Variants in IFFO2 observed in about 807,000 individuals in gnomAD.
IFFO2 encodes intermediate filament family orphan 2.
Under a neutral mutation model 53.5 loss-of-function variants are expected in IFFO2, and 19 were observed. That is an observed-to-expected ratio of 0.36 (90% CI 0.25 to 0.52). IFFO2 has a LOEUF of 0.52. IFFO2 is among the 20% of genes least tolerant of loss of function. The probability of loss-of-function intolerance (pLI) is 0.94; values close to 1 mark genes in which losing one functional copy is unlikely to be tolerated. For missense variants in IFFO2, 570 were observed against 727.4 expected (o/e 0.78, Z 2.49); for synonymous variants, 303 against 313.6 (o/e 0.97, Z 0.36).
chr1:18,940,866 C>G (rs1478001459), intron 1 of IFFO2, among the ~76,000 whole-genome samples: 1 of 152,188 alleles, frequency 6.6e-6, no homozygotes, highest in African/African-American at 2.4e-5. Context: ...ACTCTGAATC[C>G]TGACAAGAGA....
At chr1:18,937,199 G>A (rs1936460643) in intron 1 of IFFO2, among the ~76,000 whole-genome samples, 1 of 152,196 alleles carries the variant, frequency 6.6e-6, no homozygotes, top group Non-Finnish European at 1.5e-5. Context: ...CAAGGACCCA[G>A]CTAACAAAAG....
In IFFO2 at chr1:18,917,060, C is replaced by T; in HGVS notation, c.964-18G>A. On this transcript the variant is annotated intron_variant, in intron 4 of 8. Transcript: ENST00000455833. The surrounding 1 kb of genome is among the most constrained non-coding windows in gnomAD (Gnocchi z 5.9). ...GGGACCACCTGAACCGGAAAGGAAG[C>T]AATCAAGGTAACTGGGGGGCTCGGC... is the stretch of plus-strand genomic sequence containing the variant. 1 of 1,551,738 alleles carries T rather than the reference C, an allele frequency of 6.4e-7. No homozygotes were observed. The highest frequency in any genetic ancestry group is 1.2e-5 in the South Asian group (1 of 84,030).
At chr1:18,909,111 C>T (rs188844013) in intron 8 of IFFO2, among the ~76,000 whole-genome samples, 116 of 151,966 alleles carry the variant, frequency 7.6e-4, no homozygotes, top group African/African-American at 2.7e-3. Flanking sequence ...CCTGCCTGAG[C>T]GTCTGCTCTT....
chr1:18,924,716 T>C (rs1159425327), intron 1 of IFFO2, among the ~76,000 whole-genome samples: 25 of 152,152 alleles, frequency 1.6e-4, no homozygotes, highest in Admixed American at 1.6e-3. Flanking sequence ...AAGAGATCAC[T>C]TTTGGGGCAC....
chr1:18,956,096 C>A lies in IFFO2; in HGVS notation c.237G>T (p.Arg79=), dbSNP rs571292117. ...GCTGCTCCAGCTGCTTCTCCAGCAG[C>A]CGGTTGCGCCGCTCCAGCTCGTGCA... ...AKVHELERRN[R]LLEKQLEQQQ... is the part of the protein sequence containing the mutation. Residue 79 remains arginine (R), a synonymous_variant, in exon 1 of 9, where the codon CGG becomes CGT. Coordinates refer to ENST00000455833, the MANE Select transcript of IFFO2 (RefSeq NM_001136265.2). The surrounding 1 kb of genome is among the most constrained non-coding windows in gnomAD (Gnocchi z 6.4). The A allele has an allele frequency of 7.1e-4, 1,075 of 1,504,146 alleles. 13 individuals are homozygous for A. The highest frequency in any genetic ancestry group is 7.0e-5 in the Non-Finnish European group (78 of 1,118,852). The allele number at this position is 1,504,146 out of a possible 1,614,324, so 93.2% of individuals were successfully genotyped here.
At chr1:18,925,902 A>G (rs1169996159) in intron 1 of IFFO2, among the ~76,000 whole-genome samples, 4 of 11,864 alleles carry the variant, frequency 3.4e-4, no homozygotes, top group Non-Finnish European at 5.6e-4. Flanking sequence ...GATTGGATGG[A>G]TTGGTTGGAT....
At position 18,936,245 on chromosome 1, in the gene IFFO2, C is replaced by T. The variant is rs1284639622; in HGVS notation, c.666-15124G>A. Among the ~76,000 whole-genome samples, 4 of 152,236 alleles carry T rather than the reference C, an allele frequency of 2.6e-5. No individual in the cohort carries two copies. Among genetic ancestry groups the T allele is most frequent in the African/African-American group, 9.6e-5 (4 of 41,454 alleles). ...CCTCAGTTTCCCCAAACAACCTCCA[C>T]AGTCCAGGCCAACTCTGCTACTCTC... On this transcript the variant is annotated intron_variant, in intron 1 of 8. Coordinates refer to ENST00000455833, the MANE Select transcript of IFFO2 (RefSeq NM_001136265.2). This position sits in a 1 kb window ranked among gnomAD's most constrained non-coding sequence, Gnocchi z 4.5.
At chr1:18,952,128 C>T (rs1240608277) in intron 1 of IFFO2, among the ~76,000 whole-genome samples, 5 of 152,240 alleles carry the variant, frequency 3.3e-5, no homozygotes, top group Admixed American at 6.5e-5. Flanking sequence ...CAGTGGGAAA[C>T]TCCAGGGAAA....
intron 1 of IFFO2, among the ~76,000 whole-genome samples, chr1:18,929,834 G>A (rs1057455472): frequency 3.9e-5 from 6 of 152,178 alleles, no homozygotes; most frequent in Non-Finnish European, 8.8e-5. Context: ...CCCCTCCTCT[G>A]GCACCACTTT....
intron 8 of IFFO2, 149 bp from the exon 9 acceptor site, chr1:18,908,815 G>C: frequency 1.6e-6 from 1 of 639,864 alleles, no homozygotes; most frequent in Non-Finnish European, 2.8e-6. Context: ...CTATCCTTAA[G>C]ATCCTTTAAG....
chr1:18,923,309 C>T (rs1424913726), intron 1 of IFFO2, among the ~76,000 whole-genome samples: 1 of 152,248 alleles, frequency 6.6e-6, no homozygotes, highest in African/African-American at 2.4e-5. Flanking sequence ...CCTCACTTCT[C>T]CTTTGAGCAA....
Position 18,905,994 on chromosome 1 carries a change from G to A in IFFO2, c.*2567C>T, listed in dbSNP as rs1935942340. On this transcript the variant is annotated 3_prime_UTR_variant, in exon 9 of 9. Transcript: ENST00000455833. Reference sequence around the variant, plus strand: ...TTGGGGTCTTTCTTGGCAAGCTGTGGGCTCATGGTGAGGGGACAAGCAGGG... The same window carrying A: ...TTGGGGTCTTTCTTGGCAAGCTGTGAGCTCATGGTGAGGGGACAAGCAGGG... The A allele has an allele frequency of 1.3e-5, 2 of 152,226 alleles. No homozygotes were observed. Among genetic ancestry groups the A allele is most frequent in the African/African-American group, 4.8e-5 (2 of 41,424 alleles). The allele number at this position is 152,226 out of a possible 1,614,324, so 9.4% of individuals were successfully genotyped here.
intron 1 of IFFO2, among the ~76,000 whole-genome samples, chr1:18,931,487 T>C (rs1341371907): frequency 6.6e-6 from 1 of 152,192 alleles, no homozygotes; most frequent in Non-Finnish European, 1.5e-5. Context: ...TTCCCCAGAA[T>C]AAGTCACTAT....
At chr1:18,937,945 G>A (rs935806990) in intron 1 of IFFO2, among the ~76,000 whole-genome samples, 6 of 152,244 alleles carry the variant, frequency 3.9e-5, no homozygotes, top group African/African-American at 9.6e-5. Flanking sequence ...CCAACCCAGC[G>A]GGGGCTCTCT....
chr1:18,910,220 C>CGGACGGACAGAT (rs887798313), intron 8 of IFFO2, 122 bp downstream of exon 8: 3 of 1,127,312 alleles, frequency 2.7e-6, no homozygotes, highest in Non-Finnish European at 3.8e-6. Context: ...GATGGACGGA[C>CGGACGGACAGAT]GGACGGACAG....
In IFFO2 at chr1:18,955,671, C is replaced by A; in HGVS notation, c.662G>T (p.Arg221Leu). ...KVKRERDEYKRRWEEELAKRM... is the reference protein window; with the variant it reads ...KVKRERDEYKLRWEEELAKRM... ...CGGGGGAGGGGCGGCCACTCACCTC[C>A]GCTTATACTCGTCGCGCTCGCGCTT... The change falls in exon 1 of 9, where the codon CGG (arginine) becomes CTG (leucine). Residue 221 changes from arginine to leucine, a missense_variant. Arg to Leu is a moderately radical substitution (Grantham distance 102). Coordinates refer to ENST00000455833, the MANE Select transcript of IFFO2 (RefSeq NM_001136265.2). 6.3e-7 allele frequency: 1 copy of A among 1,580,146 alleles called. No homozygotes were observed. The highest frequency in any genetic ancestry group is 8.6e-7 in the Non-Finnish European group (1 of 1,167,382).
At chr1:18,925,834 GGATGGATGGAT>G in intron 1 of IFFO2, among the ~76,000 whole-genome samples, 3 of 84,186 alleles carry the variant, frequency 3.6e-5, no homozygotes, top group Non-Finnish European at 7.4e-5. Context: ...ATGGATGGAT[GGATGGATGGAT>G]GGATGGATTG....
rs1158886009 is a variant in IFFO2, at chr1:18,956,413, G to A, written c.-81C>T. On this transcript the variant is annotated 5_prime_UTR_variant, in exon 1 of 9. Coordinates refer to ENST00000455833, the MANE Select transcript of IFFO2 (RefSeq NM_001136265.2). The surrounding 1 kb of genome is among the most constrained non-coding windows in gnomAD (Gnocchi z 6.4). ...TCCGGGCAGGGCTCCCGGCGCGGCC[G>A]GGCCAGGGTGGGCGCGGGCTCCAGC... The A allele has an allele frequency of 1.8e-5, 3 of 165,272 alleles. No individual in the cohort carries two copies. The highest frequency in any genetic ancestry group is 1.7e-4 in the South Asian group (1 of 5,752). The allele number at this position is 165,272 out of a possible 1,614,324, so 10.2% of individuals were successfully genotyped here. A position where few individuals can be genotyped will look rare whatever the true frequency, so the allele number is the denominator to read the frequency against.
At chr1:18,930,424 C>G (rs1936360373) in intron 1 of IFFO2, among the ~76,000 whole-genome samples, 1 of 152,204 alleles carries the variant, frequency 6.6e-6, no homozygotes, top group South Asian at 2.1e-4. Flanking sequence ...TAGATGCCGC[C>G]TTCACCTGGC....
Sources: allele counts gnomAD v4.1 joint callset (sites outside exome capture counted in the v4.1 genomes callset), GRCh38; gene constraint gnomAD v4.1.1; non-coding constraint Gnocchi (gnomAD v3.1); transcripts MANE v1.5; gene names NCBI Gene and HGNC (gene_info 2026-07-23, HGNC 2026-07-21).